PCDHGA1: variants seen among roughly 807,000 people sequenced by gnomAD.
The protein encoded by PCDHGA1 is protocadherin gamma subfamily A, 1.
Under a neutral mutation model 58.0 loss-of-function variants are expected in PCDHGA1, and 32 were observed. That is an observed-to-expected ratio of 0.55 (90% CI 0.42 to 0.74). The LOEUF (loss-of-function observed/expected upper bound fraction) is 0.74, where lower values mean the gene tolerates loss of function less well. Among genes scored for constraint, PCDHGA1 ranks in the 30% least tolerant of loss-of-function variants. PCDHGA1 has a pLI of 0.00. For missense variants in PCDHGA1, 1,205 were observed against 1,182.3 expected (o/e 1.02, Z -0.28); for synonymous variants, 498 against 501.1 (o/e 0.99, Z 0.08).
At chr5:141,484,876 A>C in intron 1 of PCDHGA1, 1 of 315,240 alleles carries the variant, frequency 3.2e-6, no homozygotes, top group Non-Finnish European at 5.8e-6. Flanking sequence ...CGTGGAGGAT[A>C]GGGTGGGCTT....
chr5:141,372,534 C>A (rs752225423), intron 1 of PCDHGA1: 49 of 1,613,884 alleles, frequency 3.0e-5, no homozygotes, highest in Non-Finnish European at 4.0e-5. Context: ...AATCTCCCTG[C>A]GCCTGCGATG....
chr5:141,345,509 C>T lies in PCDHGA1; in HGVS notation c.2421+12404C>T, dbSNP rs753266989. 13 of 1,614,138 alleles carry T rather than the reference C, an allele frequency of 8.1e-6. No homozygotes were observed. In the South Asian group the frequency reaches 1.2e-4, roughly 15 times the overall value. ...ACGCCCGCATCACTTATGCATTGAC[C>T]GAGGACACTCTCCAGGGGGCGCCCC... On this transcript the variant is annotated intron_variant, in intron 1 of 3. Coordinates refer to ENST00000517417, the MANE Select transcript of PCDHGA1 (RefSeq NM_018912.3).
At chr5:141,372,078 G>C in intron 1 of PCDHGA1, 1 of 1,613,738 alleles carries the variant, frequency 6.2e-7, no homozygotes. Context: ...TGCACCGCTG[G>C]TGCTGTACCC....
chr5:141,375,280 C>T (rs771324220), intron 1 of PCDHGA1: 1 of 1,613,676 alleles, frequency 6.2e-7, no homozygotes, highest in Non-Finnish European at 8.5e-7. Context: ...AATCAGTTGG[C>T]AATTATTATC....
chr5:141,340,345 C>T, intron 1 of PCDHGA1: 1 of 1,614,204 alleles, frequency 6.2e-7, no homozygotes, highest in Non-Finnish European at 8.5e-7. Flanking sequence ...CATCCTACTC[C>T]ACCTACATTC....
At position 141,486,455 on chromosome 5, in the gene PCDHGA1, T is replaced by G; in HGVS notation, c.2422-8352T>G. On this transcript the variant is annotated intron_variant, in intron 1 of 3. Transcript: ENST00000517417. This position sits in a 1 kb window ranked among gnomAD's most constrained non-coding sequence, Gnocchi z 5.0. Reference sequence around the variant, plus strand: ...TAGCTATGACATCATGGTCACTGCTTCTGATGCTGGGAACCCTCCTCTCAG... The same window carrying G: ...TAGCTATGACATCATGGTCACTGCTGCTGATGCTGGGAACCCTCCTCTCAG... 6.2e-7 allele frequency: 1 copy of G among 1,614,066 alleles called. No homozygotes were observed. Among genetic ancestry groups the G allele is most frequent in the Non-Finnish European group, 8.5e-7 (1 of 1,179,892 alleles).
chr5:141,345,153 C>A (rs775928851), intron 1 of PCDHGA1: 1 of 1,613,942 alleles, frequency 6.2e-7, no homozygotes, highest in Non-Finnish European at 8.5e-7. Context: ...CGTGCATGAC[C>A]GAGATTCTGG....
At chr5:141,339,210 G>T (rs1756815799) in intron 1 of PCDHGA1, 1 of 1,614,126 alleles carries the variant, frequency 6.2e-7, no homozygotes, top group Non-Finnish European at 8.5e-7. Context: ...CTGAACCCGC[G>T]AAGCGGCAGC....
In PCDHGA1 at chr5:141,486,671, C is replaced by A. The variant is rs1307620045; in HGVS notation, c.2422-8136C>A. On this transcript the variant is annotated intron_variant, in intron 1 of 3. Coordinates refer to ENST00000517417, the MANE Select transcript of PCDHGA1 (RefSeq NM_018912.3). The surrounding 1 kb of genome is among the most constrained non-coding windows in gnomAD (Gnocchi z 5.0). The stretch of plus-strand genomic sequence containing the variant: ...CTACTCACTCCTGGAGCCCAGGAAT[C>A]GAGATGTATCAGCTTCCTCTTTCAT... 1.9e-6 allele frequency: 3 copies of A among 1,614,044 alleles called. No individual in the cohort carries two copies. The highest frequency in any genetic ancestry group is 2.5e-6 in the Non-Finnish European group (3 of 1,180,014).
chr5:141,385,529 T>G (rs568078652), intron 1 of PCDHGA1: 1 of 1,354,768 alleles, frequency 7.4e-7, no homozygotes, highest in South Asian at 2.0e-5. Context: ...TGGACAAGAT[T>G]ATGAATATGT....
At chr5:141,470,416 A>AT (rs1300623208) in intron 1 of PCDHGA1, among the ~76,000 whole-genome samples, 3 of 152,134 alleles carry the variant, frequency 2.0e-5, no homozygotes, top group African/African-American at 7.2e-5. Flanking sequence ...GATTTTATGT[A>AT]TTTTTTCCTT....
intron 1 of PCDHGA1, chr5:141,405,082 G>C: frequency 6.2e-7 from 1 of 1,613,794 alleles, no homozygotes; most frequent in East Asian, 2.2e-5. Context: ...TCGTTATCAC[G>C]CTGCTGGCCC....
intron 1 of PCDHGA1, chr5:141,373,923 A>ACGGGAAAG: frequency 1.5e-6 from 1 of 658,156 alleles, no homozygotes; most frequent in African/African-American, 1.9e-5. Flanking sequence ...AGCAAATTAG[A>ACGGGAAAG]CGGGAAAGCA....
intron 1 of PCDHGA1, chr5:141,422,771 T>C (rs2096671394): frequency 6.2e-7 from 1 of 1,613,954 alleles, no homozygotes; most frequent in Non-Finnish European, 8.5e-7. Flanking sequence ...ACTGGTGTTC[T>C]CTATGCCCTA....
chr5:141,427,491 G>A (rs1158414276), intron 1 of PCDHGA1: 1 of 553,626 alleles, frequency 1.8e-6, no homozygotes, highest in Non-Finnish European at 3.4e-6. Context: ...CTATAAGCTT[G>A]TAACAGATGG....
chr5:141,336,616 A>C (rs1459675652), intron 1 of PCDHGA1, among the ~76,000 whole-genome samples: 1 of 152,214 alleles, frequency 6.6e-6, no homozygotes, highest in Non-Finnish European at 1.5e-5. Flanking sequence ...AAAATGGATC[A>C]AAGAAGCAAT....
At chr5:141,344,162 C>T (rs757892245) in intron 1 of PCDHGA1, 1 of 1,614,036 alleles carries the variant, frequency 6.2e-7, no homozygotes, top group Non-Finnish European at 8.5e-7. Context: ...ATAAAGGTTC[C>T]TTCGTGGGCA....
chr5:141,420,076 T>TC, intron 1 of PCDHGA1: 1 of 1,613,956 alleles, frequency 6.2e-7, no homozygotes, highest in Non-Finnish European at 8.5e-7. Context: ...GACCTGTGGG[T>TC]CCCCCCAACT....
At chr5:141,428,134 T>C (rs746772496) in intron 1 of PCDHGA1, 1 of 1,600,266 alleles carries the variant, frequency 6.2e-7, no homozygotes, top group Non-Finnish European at 8.5e-7. Flanking sequence ...CTTTTCAGCC[T>C]GGGGCTGCAC....
Sources: gnomAD v4.1 joint callset for allele counts (sites outside exome capture counted in the v4.1 genomes callset) on GRCh38, gnomAD v4.1.1 for gene constraint, Gnocchi (gnomAD v3.1) non-coding constraint, MANE v1.5 for transcripts, NCBI Gene and HGNC (gene_info 2026-07-23, HGNC 2026-07-21) for gene names.